Variants in NHSL1 observed in about 807,000 individuals in gnomAD.
NHSL1 encodes NHS-like protein 1.
A neutral mutation model predicts 95.0 loss-of-function variants in NHSL1; 48 were observed. That is an observed-to-expected ratio of 0.51 (90% confidence interval 0.40 to 0.64). NHSL1 has a LOEUF of 0.64. NHSL1 is among the 30% of genes least tolerant of loss of function. The pLI is 0.00. For synonymous variants in NHSL1, 783 were observed against 833.9 expected (o/e 0.94, Z 1.05); for missense variants, 1,971 against 2,077.7 (o/e 0.95, Z 1.00).
At chr6:138,692,900 G>A (rs1276773414), upstream of NHSL1, among the ~76,000 whole-genome samples, 2 of 151,018 alleles carry the variant, frequency 1.3e-5, no homozygotes, top group African/African-American at 2.4e-5. This position sits in a 1 kb window ranked among gnomAD's most constrained non-coding sequence, Gnocchi z 4.0. Context: ...CTGCCCGCAG[G>A]GGAGAGGCCG....
intron 5 of NHSL1, among the ~76,000 whole-genome samples, chr6:138,437,912 A>T (rs1776294238): frequency 6.6e-6 from 1 of 152,208 alleles, no homozygotes. Flanking sequence ...TTGAACAACG[A>T]GGCATTGCTT....
chr6:138,685,079 CA>C (rs1403008850), intron 1 of NHSL1, among the ~76,000 whole-genome samples: 1 of 151,978 alleles, frequency 6.6e-6, no homozygotes, highest in Non-Finnish European at 1.5e-5. Flanking sequence ...ATTTTCTCCC[CA>C]AAATATTAAG....
chr6:138,432,207 G>A lies in NHSL1; in HGVS notation c.2138C>T (p.Pro713Leu). 1.3e-6 allele frequency: 2 copies of A among 1,546,654 alleles called. No individual in the cohort carries two copies. Among genetic ancestry groups the A allele is most frequent in the Non-Finnish European group, 1.7e-6 (2 of 1,144,064 alleles). ...TLQHSLQLSL[P>L]GKSGSSPSQS... ...GGAGGGCGAGCTGCCACTCTTGCCT[G>A]GGAGGCTCAGCTGCAGCGAGTGCTG... Residue 713 changes from proline (P) to leucine (L), a missense_variant, in exon 6 of 8, where the codon CCA (proline) becomes CTA (leucine). Pro to Leu is a moderately conservative substitution (Grantham distance 98). Around this residue, in one of 3 missense-constraint regions of NHSL1, gnomAD observed 1,602 missense variants for 1,654.5 expected, o/e 0.97. Coordinates refer to ENST00000343505, the MANE Select transcript of NHSL1 (RefSeq NM_001144060.2). This position sits in a 1 kb window ranked among gnomAD's most constrained non-coding sequence, Gnocchi z 4.4.
At chr6:138,582,844 A>C (rs1018941934) in intron 1 of NHSL1, among the ~76,000 whole-genome samples, 1 of 151,946 alleles carries the variant, frequency 6.6e-6, no homozygotes, top group Non-Finnish European at 1.5e-5. Context: ...ACCCTTCAAA[A>C]CTTCTGCCGG....
chr6:138,587,236 G>C (rs926737766), intron 1 of NHSL1, among the ~76,000 whole-genome samples: 1 of 151,038 alleles, frequency 6.6e-6, no homozygotes, highest in African/African-American at 2.4e-5. Context: ...GCCTCCCAAA[G>C]TGTTGGGATT....
chr6:138,476,993 C>G (rs371054491), intron 2 of NHSL1, among the ~76,000 whole-genome samples: 1 of 137,712 alleles, frequency 7.3e-6, no homozygotes, highest in Admixed American at 7.1e-5. Context: ...GACTCAAGTT[C>G]AATAGTTTTA....
chr6:138,541,585 T>C (rs1312252315), intron 1 of NHSL1, among the ~76,000 whole-genome samples: 1 of 151,698 alleles, frequency 6.6e-6, no homozygotes, highest in Non-Finnish European at 1.5e-5. Context: ...CAGGAGAATG[T>C]TGAAAGACTG....
chr6:138,439,598 T>C (rs1374178445), intron 5 of NHSL1, among the ~76,000 whole-genome samples: 2 of 152,260 alleles, frequency 1.3e-5, no homozygotes. Flanking sequence ...CTCCTCATTC[T>C]ATCCAGTAAT....
chr6:138,473,692 A>G (rs1464558457), intron 2 of NHSL1, among the ~76,000 whole-genome samples: 1 of 152,196 alleles, frequency 6.6e-6, no homozygotes, highest in Non-Finnish European at 1.5e-5. Context: ...CCTGTGAGGT[A>G]GACACCATCA....
chr6:138,546,459 A>C (rs13213892), upstream of NHSL1, among the ~76,000 whole-genome samples: 2 of 125,490 alleles, frequency 1.6e-5, no homozygotes, highest in Admixed American at 8.3e-5. Flanking sequence ...AAAAAAAAAA[A>C]CTAGCTGGGC....
intron 1 of NHSL1, among the ~76,000 whole-genome samples, chr6:138,676,455 G>A (rs551455820): frequency 6.6e-5 from 10 of 151,634 alleles, no homozygotes; most frequent in Admixed American, 1.3e-4. Context: ...CCAAAATATC[G>A]GCTAATATTT....
intron 1 of NHSL1, among the ~76,000 whole-genome samples, chr6:138,683,243 T>C (rs1193060673): frequency 6.6e-6 from 1 of 152,190 alleles, no homozygotes; most frequent in Non-Finnish European, 1.5e-5. Context: ...TGCAGAACTC[T>C]CTGGTTTTCC....
intron 1 of NHSL1, among the ~76,000 whole-genome samples, chr6:138,603,351 G>A (rs73564398): frequency 0.028 from 4,309 of 152,074 alleles, 197 homozygotes; most frequent in African/African-American, 0.098. Flanking sequence ...GTGTCAGCCT[G>A]GATTCTGAGC....
At chr6:138,614,272 A>C (rs192148548) in intron 1 of NHSL1, among the ~76,000 whole-genome samples, 1 of 152,268 alleles carries the variant, frequency 6.6e-6, no homozygotes, top group Admixed American at 6.5e-5. Flanking sequence ...CTGGGATGTA[A>C]GGATGATGCT....
At chr6:138,585,150 G>T (rs1251672584) in intron 1 of NHSL1, among the ~76,000 whole-genome samples, 1 of 152,164 alleles carries the variant, frequency 6.6e-6, no homozygotes, top group Admixed American at 6.5e-5. Flanking sequence ...AAATAGATGT[G>T]GCTGGTGGAC....
chr6:138,444,378 AAGAG>A (rs1473919972), intron 4 of NHSL1, among the ~76,000 whole-genome samples: 3 of 152,196 alleles, frequency 2.0e-5, no homozygotes, highest in African/African-American at 7.2e-5. Context: ...TTCCAGATGG[AAGAG>A]TTGTTGTCCC....
upstream of NHSL1, among the ~76,000 whole-genome samples, chr6:138,574,104 T>C (rs1258178750): frequency 2.6e-5 from 4 of 152,234 alleles, no homozygotes; most frequent in East Asian, 5.8e-4. Context: ...ATTTTGTTTT[T>C]GTATTTTTAG....
upstream of NHSL1, among the ~76,000 whole-genome samples, chr6:138,502,197 T>C (rs935141768): frequency 1.3e-5 from 2 of 152,194 alleles, no homozygotes; most frequent in African/African-American, 4.8e-5. Context: ...AAATAAACTA[T>C]CACATTTCTT....
At position 138,540,956 on chromosome 6, in the gene NHSL1, C is replaced by A. The variant is rs149158682; in HGVS notation, c.16+4667G>T. Among the ~76,000 whole-genome samples the A allele has an allele frequency of 2.6e-3, 392 of 152,216 alleles. 3 individuals are homozygous for A. Among genetic ancestry groups the A allele is most frequent in the African/African-American group, 9.1e-3 (379 of 41,528 alleles). The stretch of plus-strand genomic sequence containing the variant: ...AGGTTAAAAGTCCCTAGAGAGAATG[C>A]GAAACCAGGTAAAATCCATTAGTAA... On this transcript the variant is annotated intron_variant, in intron 1 of 4. Coordinates refer to the NHSL1 transcript ENST00000342260.
Sources: gnomAD v4.1 joint callset for allele counts (sites outside exome capture counted in the v4.1 genomes callset) on GRCh38, gnomAD v4.1.1 for gene constraint, gnomAD v4.1.1 regional missense constraint, Gnocchi (gnomAD v3.1) non-coding constraint, MANE v1.5 for transcripts, NCBI Gene and HGNC (gene_info 2026-07-23, HGNC 2026-07-21) for gene names.